KANK1: variants seen among roughly 807,000 people sequenced by gnomAD.
KANK1 encodes the protein KN motif and ankyrin repeat domain-containing protein 1.
KANK1 carries 109 observed loss-of-function variants against 106.2 expected under a neutral mutation model. The ratio of observed to expected loss-of-function variants is 1.03; its 90% CI spans 0.88 to 1.20. KANK1 has a LOEUF of 1.20. KANK1 is among the 50% of genes most tolerant of loss of function. The pLI is 0.00. For missense variants in KANK1, 2,399 were observed against 1,710.7 expected, an observed-to-expected ratio of 1.40 and a Z score of -7.10; for synonymous variants, 873 against 652.2, an observed-to-expected ratio of 1.34 and a Z score of -5.16.
chr9:671,623 A>AAAAAAAG (rs79437342), intron 1 of KANK1, among the ~76,000 whole-genome samples: 1 of 103,636 alleles, frequency 9.6e-6, no homozygotes, highest in Non-Finnish European at 1.8e-5. Flanking sequence ...CTCAAAAAAA[A>AAAAAAAG]AAAAGAGTGT....
chr9:610,643 C>G (rs982651240), intron 1 of KANK1, among the ~76,000 whole-genome samples: 2 of 152,286 alleles, frequency 1.3e-5, no homozygotes, highest in Middle Eastern at 3.4e-3. Flanking sequence ...CAGTTTCCAG[C>G]TTTCCTGGGT....
intron 1 of KANK1, among the ~76,000 whole-genome samples, chr9:524,674 C>T (rs2059702152): frequency 6.6e-6 from 1 of 151,498 alleles, no homozygotes; most frequent in African/African-American, 2.4e-5. Flanking sequence ...TCCACTACGA[C>T]ACCCGGCTAA....
intron 7 of KANK1, chr9:735,915 C>T: frequency 4.1e-6 from 1 of 241,352 alleles, no homozygotes; most frequent in African/African-American, 2.2e-5. Flanking sequence ...GAATTGCTTG[C>T]ACCCGGGAGG....
chr9:521,464 A>G (rs1242414105), intron 1 of KANK1, among the ~76,000 whole-genome samples: 1 of 151,392 alleles, frequency 6.6e-6, no homozygotes, highest in Non-Finnish European at 1.5e-5. Flanking sequence ...ACCTGCTTCC[A>G]GCTCTTAGTG....
chr9:714,696 C>T (rs561497754), intron 3 of KANK1, among the ~76,000 whole-genome samples: 2 of 152,216 alleles, frequency 1.3e-5, no homozygotes, highest in Admixed American at 6.5e-5. Context: ...TATTCTTTCT[C>T]GTATTCATTG....
At chr9:651,505 A>G (rs76364522) in intron 1 of KANK1, among the ~76,000 whole-genome samples, 5,893 of 152,274 alleles carry the variant, frequency 0.039, 220 homozygotes, top group Admixed American at 0.087. Flanking sequence ...TGTATGTGTA[A>G]GTACCATGCA....
chr9:574,170 A>G lies in KANK1; in HGVS notation c.-84+69416A>G, dbSNP rs1819931082. Among the ~76,000 whole-genome samples, 2 of 151,898 alleles carry G rather than the reference A, an allele frequency of 1.3e-5. 1 individual carries two copies. The highest frequency in any genetic ancestry group is 4.1e-4 in the South Asian group (2 of 4,822). ...TGTTTGAAAAGCGCAGCTCGCACCC[A>G]CTCTTCCCTTAGGAAAGGGGGCCGA... On this transcript the variant is annotated intron_variant, in intron 1 of 11. Coordinates refer to ENST00000382297, the MANE Select transcript of KANK1 (RefSeq NM_015158.5).
chr9:660,083 G>A, intron 1 of KANK1: 1 of 428,630 alleles, frequency 2.3e-6, no homozygotes, highest in South Asian at 2.0e-5. Flanking sequence ...ATCCATATAA[G>A]AATTCATCCA....
chr9:687,982 T>G (rs2139338672), intron 2 of KANK1, among the ~76,000 whole-genome samples: 1 of 152,288 alleles, frequency 6.6e-6, no homozygotes, highest in Middle Eastern at 3.4e-3. Flanking sequence ...CCAGCAAATA[T>G]TTGCAGAGCA....
intron 3 of KANK1, chr9:478,510 A>G (rs2058145542): frequency 6.6e-6 from 1 of 152,318 alleles, no homozygotes; most frequent in African/African-American, 2.4e-5. Context: ...TCAACCAGGT[A>G]TCCAGAGACA....
rs2130128654 is a variant in KANK1 at position 699,866 on chromosome 9, T to C, written c.38-10938T>C. 1.3e-5 allele frequency among the ~76,000 whole-genome samples: 2 copies of C among 152,290 alleles called. 1 individual carries two copies. The highest frequency in any genetic ancestry group is 3.9e-4 in the East Asian group (2 of 5,184). ...GTTTGGTCACACACATCTGTAGTCCTAGCTACTAGAGAGGCTGAGGCAGGA... is the reference window on the plus strand; with the variant it reads ...GTTTGGTCACACACATCTGTAGTCCCAGCTACTAGAGAGGCTGAGGCAGGA... On this transcript the variant is annotated intron_variant, in intron 2 of 11. Coordinates refer to ENST00000382297, the MANE Select transcript of KANK1 (RefSeq NM_015158.5).
At chr9:526,827 T>C (rs2133374795) in intron 1 of KANK1, among the ~76,000 whole-genome samples, 1 of 151,940 alleles carries the variant, frequency 6.6e-6, no homozygotes, top group Non-Finnish European at 1.5e-5. Context: ...TTTCTTGATT[T>C]TTTTAAATTC....
intron 1 of KANK1, among the ~76,000 whole-genome samples, chr9:512,843 T>G (rs985797290): frequency 2.8e-4 from 43 of 152,344 alleles, no homozygotes; most frequent in African/African-American, 9.9e-4. Context: ...CCCTCACACC[T>G]CTCTTTCCTC....
At chr9:584,221 C>T (rs1470527348) in intron 1 of KANK1, among the ~76,000 whole-genome samples, 1 of 152,080 alleles carries the variant, frequency 6.6e-6, no homozygotes. Flanking sequence ...TACAGAATTT[C>T]TATCAGAATA....
At chr9:607,571 C>G (rs1829544033) in intron 1 of KANK1, among the ~76,000 whole-genome samples, 1 of 148,562 alleles carries the variant, frequency 6.7e-6, no homozygotes, top group Non-Finnish European at 1.5e-5. Flanking sequence ...CTTGTTGGTT[C>G]TTGTGCAGAT....
chr9:637,595 G>T (rs1211953247), intron 1 of KANK1, among the ~76,000 whole-genome samples: 2 of 152,204 alleles, frequency 1.3e-5, no homozygotes, highest in Non-Finnish European at 2.9e-5. Flanking sequence ...TAAGTTCCCA[G>T]ATGATGCTAA....
At chr9:616,204 A>C (rs1399353011) in intron 1 of KANK1, among the ~76,000 whole-genome samples, 2 of 152,198 alleles carry the variant, frequency 1.3e-5, no homozygotes, top group Non-Finnish European at 2.9e-5. Context: ...CTAGACTTCC[A>C]AATTTTATCC....
At position 711,172 on chromosome 9, in the gene KANK1, G is replaced by A. The variant is rs1329217578; in HGVS notation, c.406G>A (p.Glu136Lys). ...ETSLPFLTIP[E>K]NRQLPPPSPQ... Reference sequence around the variant, plus strand: ...CTCACTCCCTTTTCTTACCATCCCAGAAAATCGACAGCTGCCACCTCCCTC... The same window carrying A: ...CTCACTCCCTTTTCTTACCATCCCAAAAAATCGACAGCTGCCACCTCCCTC... The change falls in exon 3 of 12, where the codon GAA becomes AAA. Residue 136 changes from glutamate (E) to lysine (K), a missense_variant. Transcript: ENST00000382297. The A allele has an allele frequency of 1.2e-6, 2 of 1,613,938 alleles. No individual in the cohort carries two copies. Among genetic ancestry groups the A allele is most frequent in the Middle Eastern group, 1.6e-4 (1 of 6,084 alleles).
intron 1 of KANK1, among the ~76,000 whole-genome samples, chr9:636,182 T>C (rs575393803): frequency 6.6e-6 from 1 of 152,304 alleles, no homozygotes; most frequent in South Asian, 2.1e-4. Context: ...TAGGGTGTTT[T>C]TGTAAAAGTT....
Sources: gnomAD v4.1 joint callset for allele counts (sites outside exome capture counted in the v4.1 genomes callset) on GRCh38, gnomAD v4.1.1 for gene constraint, MANE v1.5 for transcripts, NCBI Gene and HGNC (gene_info 2026-07-23, HGNC 2026-07-21) for gene names.